GPM6A: variants seen among roughly 807,000 people sequenced by gnomAD.
The protein encoded by GPM6A is neuronal membrane glycoprotein M6-a.
A neutral mutation model predicts 32.1 loss-of-function variants in GPM6A; 7 were observed. The observed-to-expected ratio is 0.22, with a 90% CI of 0.12 to 0.41. The LOEUF (loss-of-function observed/expected upper bound fraction) is 0.41, where lower values mean the gene tolerates loss of function less well. GPM6A is among the 10% of genes least tolerant of loss of function. The pLI is 1.00. For synonymous variants in GPM6A, 130 were observed against 123.4 expected, an observed-to-expected ratio of 1.05 and a Z score of -0.35; for missense variants, 235 against 347.2, an observed-to-expected ratio of 0.68 and a Z score of 2.57.
At chr4:175,977,982 AG>A (rs1740710263) in intron 1 of GPM6A, among the ~76,000 whole-genome samples, 1 of 152,194 alleles carries the variant, frequency 6.6e-6, no homozygotes, top group Non-Finnish European at 1.5e-5. Flanking sequence ...TCAGGTTCAA[AG>A]GTTTCTCCAA....
At chr4:175,637,883 T>C (rs1234222893) in intron 6 of GPM6A, among the ~76,000 whole-genome samples, 1 of 118,058 alleles carries the variant, frequency 8.5e-6, no homozygotes, top group South Asian at 2.2e-4. Flanking sequence ...AATATTTATA[T>C]ATTATATATA....
In GPM6A at chr4:175,709,621, A is replaced by C. The variant is rs146302281; in HGVS notation, c.38-7854T>G. On this transcript the variant is annotated intron_variant, in intron 1 of 6. Coordinates refer to ENST00000393658, the MANE Select transcript of GPM6A (RefSeq NM_201591.3). The stretch of plus-strand genomic sequence containing the variant: ...CGCTCACTTGTAATCCCAGCTACTC[A>C]GGAGGCTGAGGCAGGAGAATCGCTT... 5.0e-3 allele frequency among the ~76,000 whole-genome samples: 761 copies of C among 151,172 alleles called. 5 individuals carry two copies. The highest frequency in any genetic ancestry group is 0.017 in the African/African-American group (707 of 41,218).
chr4:175,916,644 T>C (rs1045229049), intron 1 of GPM6A, among the ~76,000 whole-genome samples: 2 of 152,182 alleles, frequency 1.3e-5, no homozygotes, highest in African/African-American at 4.8e-5. Flanking sequence ...GAGGCTGGCC[T>C]GAAGAGTGTA....
chr4:175,835,625 GTGTA>G (rs1560957510), intron 1 of GPM6A, among the ~76,000 whole-genome samples: 1 of 110,872 alleles, frequency 9.0e-6, no homozygotes, highest in South Asian at 3.2e-4. Flanking sequence ...GTGTGAGTGT[GTGTA>G]TATATATATA....
intron 2 of GPM6A, among the ~76,000 whole-genome samples, chr4:175,691,686 A>T (rs1744307205): frequency 6.6e-6 from 1 of 152,182 alleles, no homozygotes; most frequent in Non-Finnish European, 1.5e-5. Context: ...AGGAAGACTG[A>T]AGGGCCCCAG....
chr4:175,929,249 T>C (rs1738947090), intron 1 of GPM6A, among the ~76,000 whole-genome samples: 1 of 152,186 alleles, frequency 6.6e-6, no homozygotes, highest in Non-Finnish European at 1.5e-5. Flanking sequence ...AACACTTTCA[T>C]AAGCAAAAAG....
chr4:175,728,036 T>C (rs1007712593), intron 1 of GPM6A, among the ~76,000 whole-genome samples: 1 of 151,972 alleles, frequency 6.6e-6, no homozygotes, highest in African/African-American at 2.4e-5. Flanking sequence ...TTACCGGTTT[T>C]TCTAGAAAAT....
intron 2 of GPM6A, among the ~76,000 whole-genome samples, chr4:175,676,265 C>T (rs1411176153): frequency 1.3e-5 from 2 of 151,986 alleles, no homozygotes; most frequent in Non-Finnish European, 2.9e-5. Flanking sequence ...AGCCTGAGAA[C>T]GGACTAATAC....
intron 6 of GPM6A, among the ~76,000 whole-genome samples, chr4:175,637,736 T>TA (rs1740869839): frequency 2.1e-5 from 1 of 47,740 alleles, no homozygotes; most frequent in Non-Finnish European, 3.5e-5. Flanking sequence ...ATATTATATA[T>TA]TATATAAAAA....
chr4:175,862,317 G>T (rs1270357842), intron 1 of GPM6A, among the ~76,000 whole-genome samples: 4 of 152,082 alleles, frequency 2.6e-5, no homozygotes, highest in Non-Finnish European at 5.9e-5. Context: ...TTCCATCAAG[G>T]GTAACCGTCC....
chr4:175,960,595 A>C (rs1490623631), intron 1 of GPM6A: 1 of 152,012 alleles, frequency 6.6e-6, no homozygotes, highest in Non-Finnish European at 1.5e-5. Flanking sequence ...CCATCCCCCA[A>C]CCCTGTGTGT....
chr4:175,976,287 C>G (rs1740657816), intron 1 of GPM6A, among the ~76,000 whole-genome samples: 1 of 151,504 alleles, frequency 6.6e-6, no homozygotes, highest in Non-Finnish European at 1.5e-5. Context: ...CTCAGCCTCC[C>G]AAGTAGCTGG....
At chr4:175,846,975 T>C (rs1461869553) in intron 1 of GPM6A, among the ~76,000 whole-genome samples, 2 of 152,162 alleles carry the variant, frequency 1.3e-5, no homozygotes, top group Non-Finnish European at 2.9e-5. Flanking sequence ...ATATTTTTGT[T>C]GTCAACATGT....
At chr4:175,844,586 A>G (rs1329335834) in intron 1 of GPM6A, among the ~76,000 whole-genome samples, 1 of 152,130 alleles carries the variant, frequency 6.6e-6, no homozygotes, top group Non-Finnish European at 1.5e-5. Context: ...ACATAAAACT[A>G]TTGCATGTTT....
At chr4:175,864,503 T>C (rs1022791445) in intron 1 of GPM6A, among the ~76,000 whole-genome samples, 1 of 152,148 alleles carries the variant, frequency 6.6e-6, no homozygotes, top group Admixed American at 6.5e-5. Context: ...GGGTTGTTTT[T>C]CTTCTCATTG....
chr4:175,721,409 G>C (rs1026130450), intron 1 of GPM6A, among the ~76,000 whole-genome samples: 1 of 151,794 alleles, frequency 6.6e-6, no homozygotes, highest in Non-Finnish European at 1.5e-5. Context: ...CCAGGAGGCA[G>C]AGGTTGCAGT....
intron 6 of GPM6A, 77 bp downstream of exon 6, chr4:175,640,052 G>A: frequency 5.3e-6 from 6 of 1,135,150 alleles, no homozygotes; most frequent in Non-Finnish European, 2.7e-6. Context: ...AAACTTTAGA[G>A]ATAGTTTATC....
chr4:175,658,995 G>A (rs1292942462), intron 3 of GPM6A, among the ~76,000 whole-genome samples: 1 of 152,120 alleles, frequency 6.6e-6, no homozygotes. Context: ...CAGGCAGTGA[G>A]TGTAAGGGCT....
chr4:175,780,419 T>C (rs1044386204), intron 1 of GPM6A, among the ~76,000 whole-genome samples: 1 of 152,200 alleles, frequency 6.6e-6, no homozygotes, highest in African/African-American at 2.4e-5. Context: ...AGTGCATCTG[T>C]ACAAGAGCAC....
Sources: allele counts gnomAD v4.1 joint callset (sites outside exome capture counted in the v4.1 genomes callset), GRCh38; gene constraint gnomAD v4.1.1; transcripts MANE v1.5; gene names NCBI Gene and HGNC (gene_info 2026-07-23, HGNC 2026-07-21).